LGR6: variants seen among roughly 807,000 people sequenced by gnomAD.
The protein encoded by LGR6 is leucine-rich repeat-containing G protein-coupled receptor 6.
Under a neutral mutation model 69.4 loss-of-function variants are expected in LGR6, and 45 were observed. That is an observed-to-expected ratio of 0.65 (90% CI 0.51 to 0.83). LGR6 has a LOEUF of 0.83. LGR6 is among the 40% of genes least tolerant of loss of function. The probability of loss-of-function intolerance (pLI) is 0.00; values close to 1 mark genes in which losing one functional copy is unlikely to be tolerated. For synonymous variants in LGR6, 538 were observed against 555.0 expected (o/e 0.97, Z 0.43); for missense variants, 1,108 against 1,246.7 (o/e 0.89, Z 1.68).
At chr1:202,208,392 G>A (rs567726086) in intron 1 of LGR6, among the ~76,000 whole-genome samples, 327 of 149,342 alleles carry the variant, frequency 2.2e-3, no homozygotes, top group African/African-American at 7.8e-3. Context: ...GGGAGAGAGA[G>A]AGGAGAAGGA....
At chr1:202,213,990 G>A (rs1403682151) in intron 1 of LGR6, 1 of 941,674 alleles carries the variant, frequency 1.1e-6, no homozygotes, top group Non-Finnish European at 1.3e-6. Flanking sequence ...TCTTTCTATA[G>A]CTCTGATGAA....
intron 6 of LGR6, among the ~76,000 whole-genome samples, chr1:202,295,020 A>T (rs1667047290): frequency 6.6e-6 from 1 of 152,184 alleles, no homozygotes; most frequent in African/African-American, 2.4e-5. Flanking sequence ...TGCGTTTGAG[A>T]TAATAATGCA....
chr1:202,207,206 T>C (rs1325662352), intron 1 of LGR6, among the ~76,000 whole-genome samples: 1 of 152,196 alleles, frequency 6.6e-6, no homozygotes, highest in African/African-American at 2.4e-5. Context: ...TGTGAGCCAC[T>C]GTGCCCGGCC....
rs139133945 is a variant in LGR6 at position 202,244,336 on chromosome 1, G to T, written c.428+8343G>T. 9.8e-4 allele frequency among the ~76,000 whole-genome samples: 150 copies of T among 152,318 alleles called. 1 individual carries two copies. Among genetic ancestry groups the T allele is most frequent in the African/African-American group, 3.5e-3 (145 of 41,572 alleles). Reference sequence around the variant, plus strand: ...TAAGGACCACTGTTACAGAAGAAAAGGATGTGGTATCGGTATGCTAGGGCT... The same window carrying T: ...TAAGGACCACTGTTACAGAAGAAAATGATGTGGTATCGGTATGCTAGGGCT... On this transcript the variant is annotated intron_variant, in intron 4 of 17. Transcript: ENST00000367278.
chr1:202,199,310 C>T (rs1003934736), intron 1 of LGR6, among the ~76,000 whole-genome samples: 1 of 152,224 alleles, frequency 6.6e-6, no homozygotes, highest in Non-Finnish European at 1.5e-5. Context: ...TCCCCTGGGG[C>T]TCTCCTGTGC....
intron 6 of LGR6, among the ~76,000 whole-genome samples, chr1:202,282,863 A>G (rs370069265): frequency 6.6e-6 from 1 of 152,238 alleles, no homozygotes; most frequent in South Asian, 2.1e-4. Context: ...TTTCATCTAC[A>G]GGAGCACTTG....
intron 16 of LGR6, 111 bp downstream of exon 16, chr1:202,310,468 C>T: frequency 1.8e-6 from 2 of 1,092,460 alleles, no homozygotes; most frequent in Admixed American, 2.4e-5. Context: ...CAGAGGGAAG[C>T]CCTACAGAGG....
chr1:202,245,286 A>C (rs1370389755), intron 4 of LGR6, among the ~76,000 whole-genome samples: 16 of 74,256 alleles, frequency 2.2e-4, no homozygotes, highest in African/African-American at 8.5e-4. Flanking sequence ...TTTGGGGCAG[A>C]GGCTGCTCTG....
chr1:202,311,878 G>T (rs705768), intron 16 of LGR6, among the ~76,000 whole-genome samples: 8,335 of 152,200 alleles, frequency 0.055, 408 homozygotes, highest in South Asian at 0.2. Context: ...GGGGGTCTCT[G>T]AGAGCCTTCT....
intron 4 of LGR6, among the ~76,000 whole-genome samples, chr1:202,252,346 A>G (rs139190463): frequency 1.7e-3 from 254 of 152,224 alleles, no homozygotes; most frequent in African/African-American, 5.8e-3. Context: ...CTCCTCCTCC[A>G]GGAAGCCCCC....
rs1653319338 is a variant in LGR6 at position 202,307,336 on chromosome 1, T to C, written c.1215T>C (p.Leu405=). ...ACACCCTCTCTGCCTGCAGGGATCT[T>C]AGCTGGAACGCCATCCGGTCCATCC... ...SQLSSLQALD[L]SWNAIRSIHP... Residue 405 remains leucine (L), a synonymous_variant, in exon 14 of 18, where the codon CTT becomes CTC. Coordinates refer to ENST00000367278, the MANE Select transcript of LGR6 (RefSeq NM_001017403.2). The C allele has an allele frequency of 1.2e-6, 2 of 1,614,048 alleles. No homozygotes were observed. Among genetic ancestry groups the C allele is most frequent in the Non-Finnish European group, 1.7e-6 (2 of 1,180,018 alleles).
At chr1:202,255,737 A>T (rs1430716056) in intron 4 of LGR6, among the ~76,000 whole-genome samples, 1 of 152,238 alleles carries the variant, frequency 6.6e-6, no homozygotes, top group African/African-American at 2.4e-5. Flanking sequence ...GTATTTCTCT[A>T]TGAGCACACA....
At chr1:202,225,791 C>T (rs1399520701) in intron 2 of LGR6, among the ~76,000 whole-genome samples, 2 of 152,114 alleles carry the variant, frequency 1.3e-5, no homozygotes, top group African/African-American at 2.4e-5. Flanking sequence ...CTGTCATCCC[C>T]TGTGTCCAGC....
At chr1:202,315,399 GC>G (rs1167098569) in intron 17 of LGR6, among the ~76,000 whole-genome samples, 6 of 152,152 alleles carry the variant, frequency 3.9e-5, no homozygotes, top group African/African-American at 1.4e-4. Flanking sequence ...ACCATCTAAC[GC>G]TTATAGTTGC....
At position 202,263,852 on chromosome 1, in the gene LGR6, TG is replaced by T. The variant is rs1558046085; in HGVS notation, c.429-12449del. On this transcript the variant is annotated intron_variant, in intron 4 of 17. Transcript: ENST00000367278. Reference sequence around the variant, plus strand: ...CACATTTGCATATGAAATAGAGAACTGGGGGAGATCTTCTGAGAAATTATGC... The same window carrying T: ...CACATTTGCATATGAAATAGAGAACTGGGGAGATCTTCTGAGAAATTATGC... Among the ~76,000 whole-genome samples, 3 of 152,248 alleles carry T rather than the reference TG, an allele frequency of 2.0e-5. No homozygotes were observed. In the East Asian group the frequency reaches 5.8e-4, roughly 29 times the overall value.
chr1:202,226,728 G>A (rs955885384), intron 2 of LGR6, among the ~76,000 whole-genome samples: 1 of 152,236 alleles, frequency 6.6e-6, no homozygotes, highest in Non-Finnish European at 1.5e-5. Context: ...GTCAGCAGGG[G>A]AGTGTGGCAG....
At chr1:202,239,579 AG>A (rs1419118868) in intron 4 of LGR6, among the ~76,000 whole-genome samples, 3 of 152,130 alleles carry the variant, frequency 2.0e-5, no homozygotes. Context: ...CTTTGGCAGC[AG>A]TTATAGGGGG....
At chr1:202,226,320 A>C (rs959316385) in intron 2 of LGR6, among the ~76,000 whole-genome samples, 1 of 152,150 alleles carries the variant, frequency 6.6e-6, no homozygotes, top group Non-Finnish European at 1.5e-5. Flanking sequence ...CGGCTCTAGA[A>C]ATTTTGCTTA....
intron 4 of LGR6, among the ~76,000 whole-genome samples, chr1:202,256,018 C>G (rs999532259): frequency 2.0e-5 from 3 of 152,168 alleles, no homozygotes; most frequent in African/African-American, 7.2e-5. Flanking sequence ...AAAGAAAATC[C>G]TTACTCATTA....
Sources: gnomAD v4.1 joint callset for allele counts (sites outside exome capture counted in the v4.1 genomes callset) on GRCh38, gnomAD v4.1.1 for gene constraint, MANE v1.5 for transcripts, NCBI Gene and HGNC (gene_info 2026-07-23, HGNC 2026-07-21) for gene names.